S1PR2: variants seen among roughly 807,000 people sequenced by gnomAD.
S1PR2 encodes sphingosine-1-phosphate receptor 2, also known as sphingosine 1-phosphate receptor 2.
In S1PR2, 9 loss-of-function variants were observed where a neutral mutation model predicts 16.1. That is an observed-to-expected ratio of 0.56 (90% confidence interval 0.34 to 0.98). The LOEUF is 0.98. Among genes scored for constraint, S1PR2 ranks in the 50% least tolerant of loss-of-function variants. The pLI is 0.02. For missense variants in S1PR2, 361 were observed against 488.4 expected (o/e 0.74, Z 2.46); for synonymous variants, 224 against 233.9 (o/e 0.96, Z 0.38).
intron 1 of S1PR2, among the ~76,000 whole-genome samples, chr19:10,228,491 G>A (rs2039650162): frequency 6.6e-6 from 1 of 152,156 alleles, no homozygotes; most frequent in Non-Finnish European, 1.5e-5. Context: ...TAGAGAAGGG[G>A]AAACTGAGGC....
In S1PR2 at chr19:10,222,674, AGTC is replaced by A. The variant is rs1160905588; in HGVS notation, c.*1167_*1169del. 1.3e-5 allele frequency: 2 copies of A among 152,260 alleles called. No individual in the cohort carries two copies. The highest frequency in any genetic ancestry group is 2.9e-5 in the Non-Finnish European group (2 of 68,074). The allele number at this position is 152,260 out of a possible 1,614,324, so 9.4% of individuals were successfully genotyped here. On this transcript the variant is annotated 3_prime_UTR_variant, in exon 2 of 2. Transcript: ENST00000646641. The stretch of plus-strand genomic sequence containing the variant: ...TCCGGGCCTCAGAGAGACGGGGAGA[AGTC>A]GTCAAGTGGCAGCTGATGAAATTTG...
chr19:10,230,885 C>G (rs2145447611), intron 1 of S1PR2, among the ~76,000 whole-genome samples: 1 of 152,330 alleles, frequency 6.6e-6, no homozygotes, highest in South Asian at 2.1e-4. Context: ...AAACACACTC[C>G]CCAAGACCCC....
intron 1 of S1PR2, among the ~76,000 whole-genome samples, chr19:10,230,948 G>A: frequency 6.6e-6 from 1 of 152,324 alleles, no homozygotes; most frequent in Middle Eastern, 3.4e-3. Context: ...AAAGCGCTCG[G>A]ATTCAGCCTT....
At chr19:10,227,545 C>T (rs1255176892) in intron 1 of S1PR2, among the ~76,000 whole-genome samples, 1 of 152,242 alleles carries the variant, frequency 6.6e-6, no homozygotes, top group Non-Finnish European at 1.5e-5. Flanking sequence ...CCTCTGCACG[C>T]TGCAGCCAGT....
At chr19:10,226,622 T>C (rs1400000737) in intron 1 of S1PR2, among the ~76,000 whole-genome samples, 1 of 152,136 alleles carries the variant, frequency 6.6e-6, no homozygotes, top group Non-Finnish European at 1.5e-5. Context: ...ATCAGCACCA[T>C]CTAGCTCTGC....
chr19:10,228,617 A>G (rs1214059104), intron 1 of S1PR2, among the ~76,000 whole-genome samples: 3 of 152,156 alleles, frequency 2.0e-5, no homozygotes, highest in Non-Finnish European at 4.4e-5. Flanking sequence ...CTGGCAGAAG[A>G]GTCACCCCCT....
At chr19:10,226,045 TG>T (rs34638919) in intron 1 of S1PR2, among the ~76,000 whole-genome samples, 46,470 of 152,022 alleles carry the variant, frequency 0.31, 8,431 homozygotes, top group Non-Finnish European at 0.42. Flanking sequence ...CCAGAAACCT[TG>T]CCCACCTACC....
At chr19:10,226,926 C>A (rs1221019449) in intron 1 of S1PR2, among the ~76,000 whole-genome samples, 1 of 151,284 alleles carries the variant, frequency 6.6e-6, no homozygotes, top group East Asian at 1.9e-4. Context: ...GAGTCACCCC[C>A]CCAACCCCCT....
At chr19:10,228,652 T>C (rs1451709932) in intron 1 of S1PR2, among the ~76,000 whole-genome samples, 2 of 152,208 alleles carry the variant, frequency 1.3e-5, no homozygotes, top group African/African-American at 2.4e-5. Context: ...GCCTAGCCCA[T>C]GTCCCCTCCC....
chr19:10,223,708 GA>G lies in S1PR2; in HGVS notation c.*135del. The G allele has an allele frequency of 1.2e-6, 1 of 829,652 alleles. No homozygotes were observed. The highest frequency in any genetic ancestry group is 1.9e-6 in the Non-Finnish European group (1 of 538,878). The allele number at this position is 829,652 out of a possible 1,614,324, so 51.4% of individuals were successfully genotyped here. On this transcript the variant is annotated 3_prime_UTR_variant, in exon 2 of 2. Coordinates refer to ENST00000646641, the MANE Select transcript of S1PR2 (RefSeq NM_004230.4). ...TGCCTTATCTGGCCTTTCCAGGTGT[GA>G]AATATTTGCAACATCACCCAGGTCT... is the stretch of plus-strand genomic sequence containing the variant.
Position 10,229,761 on chromosome 19 carries a change from ACAATAG to A in S1PR2, c.-43+1437_-43+1442del, listed in dbSNP as rs374951256. On this transcript the variant is annotated intron_variant, in intron 1 of 1. Coordinates refer to ENST00000646641, the MANE Select transcript of S1PR2 (RefSeq NM_004230.4). Reference sequence around the variant, plus strand: ...AGGGGACTCCCCTGACCCCCAGTCTACAATAGCAGCCATCTCCAAGCCTTTTCTAAT... The same window carrying A: ...AGGGGACTCCCCTGACCCCCAGTCTACAGCCATCTCCAAGCCTTTTCTAAT... Among the ~76,000 whole-genome samples the A allele has an allele frequency of 5.0e-3, 756 of 152,270 alleles. 6 individuals are homozygous for A. The highest frequency in any genetic ancestry group is 8.3e-3 in the Non-Finnish European group (563 of 68,000).
At chr19:10,229,144 T>C (rs2039653757) in intron 1 of S1PR2, among the ~76,000 whole-genome samples, 1 of 152,080 alleles carries the variant, frequency 6.6e-6, no homozygotes, top group Non-Finnish European at 1.5e-5. Flanking sequence ...CCAAGTAGGA[T>C]GGCCCCTGCC....
rs1420250881 is a variant in S1PR2, at chr19:10,223,937, G to C, written c.969C>G (p.His323Gln). 5 of 1,602,650 alleles carry C rather than the reference G, an allele frequency of 3.1e-6. No homozygotes were observed. The highest frequency in any genetic ancestry group is 3.4e-6 in the Non-Finnish European group (4 of 1,174,416). Residue 323 changes from histidine to glutamine, a missense_variant, in exon 2 of 2, where the codon CAC (histidine) becomes CAG (glutamine). Transcript: ENST00000646641. ...QGRRRGGTPG[H>Q]HLLPLRSSSS... is the part of the protein sequence containing the mutation. ...TGGAGCTGCGGAGTGGCAGGAGGTG[G>C]TGGCCCGGGGTCCCGCCCCGCCTCC...
intron 1 of S1PR2, 109 bp from the exon 2 acceptor site, chr19:10,225,056 G>C: frequency 1.6e-6 from 1 of 619,810 alleles, no homozygotes; most frequent in Non-Finnish European, 2.8e-6. Flanking sequence ...GTTACTCTTC[G>C]AGGAAGGGCC....
At chr19:10,230,455 CTG>C (rs2039665829) in intron 1 of S1PR2, 1 of 154,608 alleles carries the variant, frequency 6.5e-6, no homozygotes, top group Non-Finnish European at 1.5e-5. Flanking sequence ...ACGAGGGGGA[CTG>C]TGGGCTCAGC....
intron 1 of S1PR2, among the ~76,000 whole-genome samples, chr19:10,225,620 G>C (rs1044578896): frequency 6.6e-6 from 1 of 151,462 alleles, no homozygotes; most frequent in Non-Finnish European, 1.5e-5. Context: ...GCATGGTCTC[G>C]AACTTCTGAC....
chr19:10,225,390 ATTTTTTTTT>A (rs35464657), intron 1 of S1PR2, among the ~76,000 whole-genome samples: 4 of 80,592 alleles, frequency 5.0e-5, no homozygotes, highest in Non-Finnish European at 6.6e-5. Flanking sequence ...CGCCTGGCTA[ATTTTTTTTT>A]TTTTTTTTTT....
chr19:10,229,740 G>T (rs1313679537), intron 1 of S1PR2, among the ~76,000 whole-genome samples: 2 of 152,078 alleles, frequency 1.3e-5, no homozygotes. Context: ...CCTCAGAGGG[G>T]ACTCCCCTGA....
chr19:10,224,019 C>T lies in S1PR2; in HGVS notation c.887G>A (p.Arg296Gln), dbSNP rs766392869. The change falls in exon 2 of 2, where the codon CGG becomes CAG. Residue 296 changes from arginine (R) to glutamine (Q), a missense_variant. Coordinates refer to ENST00000646641, the MANE Select transcript of S1PR2 (RefSeq NM_004230.4). ...CTGCAGCGGCCGAAGCACCTCCCGC[C>T]GCAGGTCCCGGCTGCGCCACGTGTA... ...VIYTWRSRDL[R>Q]REVLRPLQCW... 1.4e-5 allele frequency: 22 copies of T among 1,612,330 alleles called. No homozygotes were observed. The highest frequency in any genetic ancestry group is 4.5e-5 in the East Asian group (2 of 44,874).
Sources: allele counts gnomAD v4.1 joint callset (sites outside exome capture counted in the v4.1 genomes callset), GRCh38; gene constraint gnomAD v4.1.1; transcripts MANE v1.5; gene names NCBI Gene and HGNC (gene_info 2026-07-23, HGNC 2026-07-21).